Variants in PIK3C3 observed in about 807,000 individuals in gnomAD.
PIK3C3 encodes phosphatidylinositol 3-kinase catalytic subunit type 3, also known as PI3-kinase type 3.
A neutral mutation model predicts 126.1 loss-of-function variants in PIK3C3; 95 were observed. The ratio of observed to expected loss-of-function variants is 0.75; its 90% confidence interval spans 0.64 to 0.89. The LOEUF is 0.89. Ranked by LOEUF, PIK3C3 falls within the 40% of genes least tolerant of loss-of-function variation. The pLI is 0.00. For missense variants in PIK3C3, 829 were observed against 1,063.2 expected, an observed-to-expected ratio of 0.78 and a Z score of 3.06; for synonymous variants, 374 against 360.0, an observed-to-expected ratio of 1.04 and a Z score of -0.44.
At chr18:42,014,700 T>C (rs556835657) in intron 11 of PIK3C3, among the ~76,000 whole-genome samples, 8 of 152,326 alleles carry the variant, frequency 5.3e-5, no homozygotes, top group African/African-American at 1.9e-4. Context: ...CAGGTCTAAA[T>C]TTTAGACTTC....
intron 24 of PIK3C3, among the ~76,000 whole-genome samples, 160 bp downstream of exon 24, chr18:42,067,673 C>T (rs1403745302): frequency 2.6e-5 from 4 of 152,228 alleles, no homozygotes; most frequent in Admixed American, 2.6e-4. Context: ...TTGTGTTTCA[C>T]ACGTTACTAA....
At chr18:42,048,229 T>C (rs934472996) in intron 20 of PIK3C3, among the ~76,000 whole-genome samples, 33 of 152,222 alleles carry the variant, frequency 2.2e-4, no homozygotes, top group Admixed American at 9.8e-4. Flanking sequence ...GAAATTGCTG[T>C]TGTTCTAACT....
intron 4 of PIK3C3, among the ~76,000 whole-genome samples, chr18:41,974,959 G>A (rs1207253537): frequency 6.6e-6 from 1 of 152,156 alleles, no homozygotes; most frequent in Non-Finnish European, 1.5e-5. Flanking sequence ...TTTGGAATGT[G>A]CTTTAGTTTC....
intron 12 of PIK3C3, among the ~76,000 whole-genome samples, chr18:42,018,327 C>T (rs577160482): frequency 6.6e-6 from 1 of 151,934 alleles, no homozygotes; most frequent in East Asian, 1.9e-4. Flanking sequence ...TCTTTATGTT[C>T]TGTAAGTAAT....
chr18:42,012,132 A>G (rs1982853841), intron 10 of PIK3C3, among the ~76,000 whole-genome samples: 1 of 152,060 alleles, frequency 6.6e-6, no homozygotes, highest in African/African-American at 2.4e-5. Flanking sequence ...TGTTGGAAAA[A>G]TGATGCCAAT....
Position 41,979,895 on chromosome 18 carries a change from T to TATTATC in PIK3C3, c.532-7912_532-7911insCATTAT, listed in dbSNP as rs1555672728. Among the ~76,000 whole-genome samples the TATTATC allele has an allele frequency of 8.1e-3, 1,217 of 149,726 alleles. 9 individuals are homozygous for TATTATC. Among genetic ancestry groups the TATTATC allele is most frequent in the African/African-American group, 8.8e-3 (361 of 40,870 alleles). On this transcript the variant is annotated intron_variant, in intron 4 of 24. Coordinates refer to ENST00000262039, the MANE Select transcript of PIK3C3 (RefSeq NM_002647.4). ...ATGCCATTATTATTATTATTATTATTATTATTATTAGCTATTCTGAAAAGG... is the reference window on the plus strand; with the variant it reads ...ATGCCATTATTATTATTATTATTATTATTATCATTATTATTAGCTATTCTGAAAAGG...
chr18:41,962,629 A>T lies in PIK3C3; in HGVS notation c.398A>T (p.Tyr133Phe). The T allele has an allele frequency of 6.2e-7, 1 of 1,610,628 alleles. No homozygotes were observed. The change falls in exon 3 of 25, where the codon TAC (tyrosine) becomes TTC (phenylalanine). Residue 133 changes from tyrosine to phenylalanine, a missense_variant. Tyr to Phe is a conservative substitution (Grantham distance 22). Transcript: ENST00000262039. Reference protein sequence around the residue: ...GGTTVSLFGKYGMFRQGMHDL... With the variant: ...GGTTVSLFGKFGMFRQGMHDL... ...ACAACGGTTTCGCTCTTTGGAAAAT[A>T]CGGGTAAGCATTCTGTTGGTCTCAT...
intron 10 of PIK3C3, among the ~76,000 whole-genome samples, chr18:42,012,544 A>G (rs190484307): frequency 9.8e-5 from 15 of 152,298 alleles, no homozygotes; most frequent in African/African-American, 1.4e-4. Flanking sequence ...GAGCTTTGCA[A>G]TTTTCTTCAC....
In PIK3C3 at chr18:42,079,762, C is replaced by T. The variant is rs1009686894; in HGVS notation, c.2650-1361C>T. Among the ~76,000 whole-genome samples the T allele has an allele frequency of 3.3e-5, 5 of 152,216 alleles. No homozygotes were observed. The South Asian group carries it at 1.0e-3, about 32-fold the overall frequency. On this transcript the variant is annotated intron_variant, in intron 24 of 24. Transcript: ENST00000262039. ...AAATTACTTCCAAGTTATTTAGACT[C>T]CCTCGTATGTTAGTGTAGACCCTTT... is the stretch of plus-strand genomic sequence containing the variant.
chr18:42,031,430 T>G (rs888772995), intron 15 of PIK3C3, among the ~76,000 whole-genome samples: 3 of 152,204 alleles, frequency 2.0e-5, no homozygotes, highest in African/African-American at 4.8e-5. Flanking sequence ...ATCTACTTTT[T>G]TTTTGAGACA....
chr18:42,006,415 C>T (rs1982545428), intron 10 of PIK3C3, among the ~76,000 whole-genome samples: 1 of 113,052 alleles, frequency 8.8e-6, no homozygotes, highest in Non-Finnish European at 1.7e-5. Flanking sequence ...TTGATTAAAT[C>T]ATTGGCTGCT....
chr18:42,005,267 ATGT>A (rs1982489597), intron 10 of PIK3C3, among the ~76,000 whole-genome samples: 1 of 152,196 alleles, frequency 6.6e-6, no homozygotes, highest in Non-Finnish European at 1.5e-5. Context: ...CCTGTATAGC[ATGT>A]TGTTGTACTA....
intron 9 of PIK3C3, 149 bp from the exon 10 acceptor site, chr18:42,004,207 C>CAT: frequency 1.7e-6 from 1 of 600,824 alleles, no homozygotes; most frequent in Non-Finnish European, 2.9e-6. Context: ...TCTATAAGAT[C>CAT]ATATATATAA....
chr18:42,052,217 G>A (rs1488105431), intron 21 of PIK3C3, among the ~76,000 whole-genome samples: 2 of 152,012 alleles, frequency 1.3e-5, no homozygotes, highest in African/African-American at 4.8e-5. Context: ...CTGGAAGGAA[G>A]AATCTGCGTA....
At chr18:41,990,096 A>G (rs1981700541) in intron 5 of PIK3C3, among the ~76,000 whole-genome samples, 1 of 152,182 alleles carries the variant, frequency 6.6e-6, no homozygotes, top group South Asian at 2.1e-4. Flanking sequence ...AACTTAGCTT[A>G]AAATTGTTAG....
chr18:42,070,174 G>T (rs1250721796), intron 24 of PIK3C3, among the ~76,000 whole-genome samples: 1 of 152,170 alleles, frequency 6.6e-6, no homozygotes, highest in Non-Finnish European at 1.5e-5. Context: ...TCCCCAAGAG[G>T]ATATGAAGGC....
intron 23 of PIK3C3, 26 bp from the exon 24 acceptor site, chr18:42,067,362 T>C (rs1985584783): frequency 6.2e-7 from 1 of 1,609,836 alleles, no homozygotes; most frequent in Non-Finnish European, 8.5e-7. Context: ...TTCTTCGTTG[T>C]AAAGACTAAG....
At chr18:41,987,576 T>G (rs1403930126) in intron 4 of PIK3C3, among the ~76,000 whole-genome samples, 2 of 152,104 alleles carry the variant, frequency 1.3e-5, no homozygotes, top group Non-Finnish European at 2.9e-5. Flanking sequence ...ACTTCATTAT[T>G]CTTTATCATG....
chr18:41,986,594 A>G (rs376156783), intron 4 of PIK3C3, among the ~76,000 whole-genome samples: 6 of 151,202 alleles, frequency 4.0e-5, no homozygotes, highest in African/African-American at 1.5e-4. Context: ...CTCCTACTCT[A>G]GCACTCTTTT....
Sources: gnomAD v4.1 joint callset for allele counts (sites outside exome capture counted in the v4.1 genomes callset) on GRCh38, gnomAD v4.1.1 for gene constraint, MANE v1.5 for transcripts, NCBI Gene and HGNC (gene_info 2026-07-23, HGNC 2026-07-21) for gene names.